Variants in PEX14 observed in about 807,000 individuals in gnomAD.
The protein encoded by PEX14 is peroxisomal biogenesis factor 14, also known as peroxisomal membrane protein PEX14.
Under a neutral mutation model 49.5 loss-of-function variants are expected in PEX14, and 15 were observed. The observed-to-expected ratio is 0.30, with a 90% CI of 0.20 to 0.47. PEX14 has a LOEUF of 0.47. Among genes scored for constraint, PEX14 ranks in the 20% least tolerant of loss-of-function variants. PEX14 has a pLI of 1.00. For missense variants in PEX14, 398 were observed against 494.8 expected (o/e 0.80, Z 1.86); for synonymous variants, 210 against 212.7 (o/e 0.99, Z 0.11).
chr1:10,502,897 A>G (rs560043321), intron 2 of PEX14, among the ~76,000 whole-genome samples: 2 of 150,252 alleles, frequency 1.3e-5, no homozygotes, highest in Non-Finnish European at 3.0e-5. Flanking sequence ...TCTTGGGCTC[A>G]GGTGATTCTC....
chr1:10,540,303 ACT>A (rs1372318666), intron 3 of PEX14, among the ~76,000 whole-genome samples: 1 of 151,786 alleles, frequency 6.6e-6, no homozygotes, highest in African/African-American at 2.4e-5. Context: ...TTTCAATTTA[ACT>A]CTCTTTTATT....
In PEX14 at chr1:10,597,544, C is replaced by T. The variant is rs1190456747; in HGVS notation, c.170-1694C>T. On this transcript the variant is annotated intron_variant, in intron 3 of 8. Coordinates refer to ENST00000356607, the MANE Select transcript of PEX14 (RefSeq NM_004565.3). This position sits in a 1 kb window ranked among gnomAD's most constrained non-coding sequence, Gnocchi z 5.7. ...AAAGCAGTCCCTTTGCAGCAAGCAC[C>T]CCCTCTCTAGCTCCACTCTACTGAC... Among the ~76,000 whole-genome samples, 2 of 152,160 alleles carry T rather than the reference C, an allele frequency of 1.3e-5. No homozygotes were observed. The highest frequency in any genetic ancestry group is 1.9e-4 in the East Asian group (1 of 5,186).
At chr1:10,490,177 G>A (rs554373851) in intron 1 of PEX14, among the ~76,000 whole-genome samples, 2 of 152,304 alleles carry the variant, frequency 1.3e-5, no homozygotes, top group South Asian at 4.1e-4. Flanking sequence ...TAATGCCAAA[G>A]CTTGTGTACT....
intron 3 of PEX14, among the ~76,000 whole-genome samples, chr1:10,588,345 T>A (rs930953326): frequency 6.6e-6 from 1 of 152,134 alleles, no homozygotes; most frequent in Non-Finnish European, 1.5e-5. Flanking sequence ...CCCAGCTACA[T>A]GTATGCTTTT....
chr1:10,593,867 G>A (rs1052925645), intron 3 of PEX14, among the ~76,000 whole-genome samples: 5 of 152,250 alleles, frequency 3.3e-5, no homozygotes, highest in South Asian at 2.1e-4. Context: ...AGGTGCTGCC[G>A]TCGTAATTTC....
rs565340935 is a variant in PEX14 at position 10,525,686 on chromosome 1, C to T, written c.85-10527C>T. Among the ~76,000 whole-genome samples, 11 of 151,878 alleles carry T rather than the reference C, an allele frequency of 7.2e-5. No individual in the cohort carries two copies. In the East Asian group the frequency reaches 7.8e-4, roughly 11 times the overall value. On this transcript the variant is annotated intron_variant, in intron 2 of 8. Coordinates refer to ENST00000356607, the MANE Select transcript of PEX14 (RefSeq NM_004565.3). ...TGTCACCCAGGCTGGAGTGCAATGG[C>T]GTGGTCTCAGCTCACTGCAACCTCC...
chr1:10,546,704 G>GA (rs764815375), intron 3 of PEX14, among the ~76,000 whole-genome samples: 207 of 131,492 alleles, frequency 1.6e-3, no homozygotes, highest in African/African-American at 2.2e-3. Context: ...GTCTCTACTA[G>GA]AAAAAAAAAA....
At chr1:10,593,732 A>G (rs1640741050) in intron 3 of PEX14, among the ~76,000 whole-genome samples, 1 of 152,218 alleles carries the variant, frequency 6.6e-6, no homozygotes, top group African/African-American at 2.4e-5. Flanking sequence ...GGCCCCATAA[A>G]CAAGGTGATA....
At chr1:10,490,541 C>A (rs537183146) in intron 1 of PEX14, among the ~76,000 whole-genome samples, 7 of 152,080 alleles carry the variant, frequency 4.6e-5, no homozygotes, top group African/African-American at 1.4e-4. Flanking sequence ...TCTCTGCCGC[C>A]GTAGTCTTTG....
chr1:10,495,277 A>G lies in PEX14; in HGVS notation c.40A>G (p.Ser14Gly), dbSNP rs750030842. Residue 14 changes from serine (S) to glycine (G), a missense_variant, in exon 2 of 9, where the codon AGC becomes GGC. Physicochemically the swap from Ser to Gly is moderately conservative, Grantham distance 56. This residue lies in a region of PEX14 where 56 missense variants were observed against 40.8 expected (regional missense o/e 1.37). Coordinates refer to ENST00000356607, the MANE Select transcript of PEX14 (RefSeq NM_004565.3). This position sits in a 1 kb window ranked among gnomAD's most constrained non-coding sequence, Gnocchi z 4.2. Reference protein sequence around the residue: ...SEQAEQPSQPSSTPGSENVLP... With the variant: ...SEQAEQPSQPGSTPGSENVLP... ...TTGTTTCCATTTTTCTCTGCAGCCAAGCTCTACTCCAGGAAGTGAAAATGT... is the reference window on the plus strand; with the variant it reads ...TTGTTTCCATTTTTCTCTGCAGCCAGGCTCTACTCCAGGAAGTGAAAATGT... 3 of 1,614,000 alleles carry G rather than the reference A, an allele frequency of 1.9e-6. No homozygotes were observed. The South Asian group carries it at 3.3e-5, about 18-fold the overall frequency.
chr1:10,518,687 A>G (rs1642013907), intron 2 of PEX14, among the ~76,000 whole-genome samples: 1 of 152,180 alleles, frequency 6.6e-6, no homozygotes, highest in South Asian at 2.1e-4. Context: ...ATAACTTTTG[A>G]AGAAGGAGGC....
chr1:10,545,801 T>G (rs915029596), intron 3 of PEX14, among the ~76,000 whole-genome samples: 6 of 152,124 alleles, frequency 3.9e-5, no homozygotes, highest in African/African-American at 1.4e-4. Flanking sequence ...CCCAACACTT[T>G]GGGAGACTGA....
chr1:10,483,831 C>T (rs954879692), intron 1 of PEX14, among the ~76,000 whole-genome samples: 2 of 151,650 alleles, frequency 1.3e-5, no homozygotes, highest in Non-Finnish European at 2.9e-5. Flanking sequence ...CGTTCCCTTA[C>T]GCCCCTTCCC....
rs1025857334 is a variant in PEX14, at chr1:10,475,117, C to T, written c.36+115C>T. 11 of 946,748 alleles carry T rather than the reference C, an allele frequency of 1.2e-5. No individual in the cohort carries two copies. In the South Asian group the frequency reaches 1.3e-4, roughly 11 times the overall value. The allele number at this position is 946,748 out of a possible 1,614,324, so 58.6% of individuals were successfully genotyped here. On this transcript the variant is annotated intron_variant, in intron 1 of 8. Transcript: ENST00000356607. Reference sequence around the variant, plus strand: ...GAGTCTCCGAAGCTGGGGACCCCGACCTCTTGCCCCCTCCTGAGCCCCGCC... The same window carrying T: ...GAGTCTCCGAAGCTGGGGACCCCGATCTCTTGCCCCCTCCTGAGCCCCGCC...
chr1:10,565,896 T>A (rs1639790349), intron 3 of PEX14, among the ~76,000 whole-genome samples: 1 of 152,232 alleles, frequency 6.6e-6, no homozygotes, highest in South Asian at 2.1e-4. Flanking sequence ...TCCCAGCTAC[T>A]TGGGAGGCTG....
chr1:10,498,248 C>G (rs113317145), intron 2 of PEX14, among the ~76,000 whole-genome samples: 10 of 152,210 alleles, frequency 6.6e-5, no homozygotes, highest in African/African-American at 2.4e-4. Flanking sequence ...CCACTGCACT[C>G]CAGCCTGAGC....
chr1:10,597,099 A>AT lies in PEX14; in HGVS notation c.170-2138dup, dbSNP rs1640851801. Among the ~76,000 whole-genome samples the AT allele has an allele frequency of 6.6e-6, 1 of 152,252 alleles. No homozygotes were observed. The highest frequency in any genetic ancestry group is 1.5e-5 in the Non-Finnish European group (1 of 68,044). On this transcript the variant is annotated intron_variant, in intron 3 of 8. Coordinates refer to ENST00000356607, the MANE Select transcript of PEX14 (RefSeq NM_004565.3). This position sits in a 1 kb window ranked among gnomAD's most constrained non-coding sequence, Gnocchi z 5.7. The stretch of plus-strand genomic sequence containing the variant: ...CACAGCACAGTCTGTAACTTACTGT[A>AT]TATTTCCCCAGTGTTAAACATTATT...
chr1:10,513,801 A>G (rs1217215670), intron 2 of PEX14, among the ~76,000 whole-genome samples: 3 of 152,202 alleles, frequency 2.0e-5, no homozygotes, highest in African/African-American at 4.8e-5. Context: ...ACTGGCTGCT[A>G]TATTGACTGG....
At chr1:10,611,779 G>A (rs918350799) in intron 4 of PEX14, among the ~76,000 whole-genome samples, 5 of 152,290 alleles carry the variant, frequency 3.3e-5, no homozygotes, top group Admixed American at 1.3e-4. Context: ...TTGGCCATTC[G>A]TATATCTTTT....
Sources: allele counts gnomAD v4.1 joint callset (sites outside exome capture counted in the v4.1 genomes callset), GRCh38; gene constraint gnomAD v4.1.1; regional missense constraint gnomAD v4.1.1; non-coding constraint Gnocchi (gnomAD v3.1); transcripts MANE v1.5; gene names NCBI Gene and HGNC (gene_info 2026-07-23, HGNC 2026-07-21).